The following ETFA variants were observed in gnomAD, a reference collection of about 807,000 sequenced individuals.
The protein encoded by ETFA is electron transfer flavoprotein subunit alpha, mitochondrial.
Under a neutral mutation model 46.2 loss-of-function variants are expected in ETFA, and 22 were observed. The ratio of observed to expected loss-of-function variants is 0.48; its 90% CI spans 0.34 to 0.68. The LOEUF (loss-of-function observed/expected upper bound fraction) is 0.68, where lower values mean the gene tolerates loss of function less well. Ranked by LOEUF, ETFA falls within the 30% of genes least tolerant of loss-of-function variation. ETFA has a pLI of 0.01. For synonymous variants in ETFA, 131 were observed against 139.9 expected, an observed-to-expected ratio of 0.94 and a Z score of 0.45; for missense variants, 345 against 401.1, an observed-to-expected ratio of 0.86 and a Z score of 1.19.
intron 11 of ETFA, among the ~76,000 whole-genome samples, chr15:76,224,261 T>A (rs1040111217): frequency 1.3e-5 from 2 of 152,166 alleles, no homozygotes; most frequent in Non-Finnish European, 2.9e-5. Context: ...GGCATTACTG[T>A]TTGTTCTTAC....
At chr15:76,286,253 A>G (rs536709694) in intron 6 of ETFA, 118 bp downstream of exon 6, 64 of 621,526 alleles carry the variant, frequency 1.0e-4, no homozygotes, top group South Asian at 8.9e-4. Context: ...TATCATTTAA[A>G]TTGAACTTTC....
In ETFA at chr15:76,295,792, T is replaced by C. The variant is rs988804126; in HGVS notation, c.40-55A>G. 4 of 1,468,126 alleles carry C rather than the reference T, an allele frequency of 2.7e-6. No homozygotes were observed. The African/African-American group carries it at 4.3e-5, about 16-fold the overall frequency. 90.9% of individuals were successfully genotyped at this position (1,468,126 alleles called of 1,614,324 possible). ...TAAAGAATGTTGTCACAGGGTTTTT[T>C]TTTTTTTTTTTACTAATTGTTAAGC... On this transcript the variant is annotated intron_variant, in intron 1 of 11. Transcript: ENST00000557943.
intron 9 of ETFA, among the ~76,000 whole-genome samples, chr15:76,234,616 A>G (rs1279260757): frequency 6.6e-6 from 1 of 152,148 alleles, no homozygotes; most frequent in Admixed American, 6.5e-5. Flanking sequence ...AGAAGGAGGG[A>G]GAGTCCTAGA....
At position 76,274,409 on chromosome 15, in the gene ETFA, T is replaced by C; in HGVS notation, c.816+3A>G. 6.2e-7 allele frequency: 1 copy of C among 1,601,204 alleles called. No individual in the cohort carries two copies. Among genetic ancestry groups the C allele is most frequent in the South Asian group, 1.1e-5 (1 of 89,564 alleles). On this transcript the variant is annotated splice_donor_region_variant and intron_variant, in intron 9 of 11. Transcript: ENST00000557943. ...ACACAGCATATTTTATTGCAATACT[T>C]ACTGGTGCTACTATTTTTCCCGTCT...
At chr15:76,304,681 T>G (rs755417827) in intron 1 of ETFA, among the ~76,000 whole-genome samples, 79 of 137,722 alleles carry the variant, frequency 5.7e-4, no homozygotes, top group Non-Finnish European at 1.0e-3. Context: ...AAAAAAAAAT[T>G]GGGGGAAAAA....
intron 7 of ETFA, among the ~76,000 whole-genome samples, chr15:76,285,336 C>A (rs1345009927): frequency 1.3e-5 from 2 of 152,126 alleles, no homozygotes; most frequent in Non-Finnish European, 2.9e-5. Context: ...AGAAGCCAAC[C>A]ATACTCTGCA....
chr15:76,258,185 T>G (rs1260720404), intron 9 of ETFA, among the ~76,000 whole-genome samples: 1 of 151,798 alleles, frequency 6.6e-6, no homozygotes, highest in African/African-American at 2.4e-5. Flanking sequence ...AATAAATAAA[T>G]AAATAAAGAT....
At chr15:76,218,591 A>C (rs1419779593) in intron 11 of ETFA, among the ~76,000 whole-genome samples, 2 of 152,298 alleles carry the variant, frequency 1.3e-5, no homozygotes, top group East Asian at 3.9e-4. Flanking sequence ...CCTTTAAAGC[A>C]TACCACATGA....
chr15:76,272,080 A>T (rs554798880), intron 9 of ETFA, among the ~76,000 whole-genome samples: 7 of 152,132 alleles, frequency 4.6e-5, no homozygotes, highest in African/African-American at 1.7e-4. Flanking sequence ...TGCTGATGGT[A>T]TGCCATTTAT....
In ETFA at chr15:76,270,745, G is replaced by C. The variant is rs547548886; in HGVS notation, c.816+3667C>G. ...AAGAATGATGGGAACACATCAAAAAGACACAGAGGGGCCTCTCACTAGCCA... is the reference window on the plus strand; with the variant it reads ...AAGAATGATGGGAACACATCAAAAACACACAGAGGGGCCTCTCACTAGCCA... On this transcript the variant is annotated intron_variant, in intron 9 of 11. Transcript: ENST00000557943. Among the ~76,000 whole-genome samples the C allele has an allele frequency of 7.1e-4, 108 of 152,244 alleles. 2 individuals carry two copies. In the South Asian group the frequency reaches 0.022, roughly 30 times the overall value.
intron 1 of ETFA, among the ~76,000 whole-genome samples, chr15:76,310,669 A>C (rs1014505126): frequency 2.6e-5 from 4 of 152,218 alleles, no homozygotes; most frequent in African/African-American, 7.2e-5. Flanking sequence ...CCTAATCTAC[A>C]ATCTGCTGGT....
At chr15:76,245,695 C>G (rs1229353170) in intron 9 of ETFA, among the ~76,000 whole-genome samples, 1 of 152,160 alleles carries the variant, frequency 6.6e-6, no homozygotes, top group East Asian at 1.9e-4. Flanking sequence ...ATAATCTACT[C>G]CCACTAAGAA....
Position 76,216,840 on chromosome 15 carries a change from C to CTTTTT in ETFA, c.964-248_964-244dup, listed in dbSNP as rs373144812. Among the ~76,000 whole-genome samples, 992 of 89,238 alleles carry CTTTTT rather than the reference C, an allele frequency of 0.011. 32 individuals are homozygous for CTTTTT. Among genetic ancestry groups the CTTTTT allele is most frequent in the African/African-American group, 0.018 (395 of 21,384 alleles). 58.5% of individuals were successfully genotyped at this position (89,238 alleles called of 152,430 possible). ...CACTCATTGCCTAGGTGCCTTTTGC[C>CTTTTT]TTTTTTTTTTTTTTTTTTTTTTTGA... On this transcript the variant is annotated intron_variant, in intron 11 of 11. Coordinates refer to ENST00000557943, the MANE Select transcript of ETFA (RefSeq NM_000126.4).
intron 8 of ETFA, among the ~76,000 whole-genome samples, chr15:76,279,720 G>A (rs2039629391): frequency 6.6e-6 from 1 of 152,138 alleles, no homozygotes; most frequent in South Asian, 2.1e-4. Context: ...AGCAGTGTGT[G>A]TCATAGTTGA....
chr15:76,258,077 G>A (rs1056111536), intron 9 of ETFA, among the ~76,000 whole-genome samples: 3 of 150,972 alleles, frequency 2.0e-5, no homozygotes, highest in Admixed American at 6.6e-5. Context: ...GCTAAATGAC[G>A]AGTTAACGGG....
chr15:76,308,117 T>C (rs536247177), intron 1 of ETFA, among the ~76,000 whole-genome samples: 1 of 152,290 alleles, frequency 6.6e-6, no homozygotes, highest in South Asian at 2.1e-4. Context: ...CATGTATCCA[T>C]AAATCCATAA....
intron 1 of ETFA, among the ~76,000 whole-genome samples, chr15:76,299,414 G>C (rs373426550): frequency 6.6e-6 from 1 of 152,028 alleles, no homozygotes; most frequent in Non-Finnish European, 1.5e-5. Context: ...CTCCCAAGTC[G>C]CTGGGACCAC....
intron 11 of ETFA, among the ~76,000 whole-genome samples, chr15:76,221,611 A>C (rs1420178056): frequency 1.3e-5 from 2 of 152,234 alleles, no homozygotes; most frequent in Non-Finnish European, 2.9e-5. Flanking sequence ...CAGGCAGGCT[A>C]ATATTTGTCA....
In ETFA at chr15:76,231,448, C is replaced by T. The variant is rs781743345; in HGVS notation, c.817-50G>A. 1.3e-5 allele frequency: 16 copies of T among 1,188,542 alleles called. No individual in the cohort carries two copies. The South Asian group carries it at 2.2e-4, about 16-fold the overall frequency. 73.6% of individuals were successfully genotyped at this position (1,188,542 alleles called of 1,614,324 possible). On this transcript the variant is annotated intron_variant, in intron 9 of 11. Coordinates refer to ENST00000557943, the MANE Select transcript of ETFA (RefSeq NM_000126.4). ...TAATATGTATTTATATTATATAATA[C>T]TTTCCAAAGTGTTTGCTGTTAGCAA...
Sources: gnomAD v4.1 joint callset for allele counts (sites outside exome capture counted in the v4.1 genomes callset) on GRCh38, gnomAD v4.1.1 for gene constraint, MANE v1.5 for transcripts, NCBI Gene and HGNC (gene_info 2026-07-23, HGNC 2026-07-21) for gene names.